IFT25: variants seen among roughly 807,000 people sequenced by gnomAD.
IFT25 encodes intraflagellar transport 25.
At chr1:53,940,570 T>C in the IFT25 span, among the ~76,000 whole-genome samples, 1 of 152,128 alleles carries the variant, frequency 6.6e-6, no homozygotes, top group Non-Finnish European at 1.5e-5. Context: ...AAAAAACAAC[T>C]AAATACTGTT....
the IFT25 span, among the ~76,000 whole-genome samples, chr1:53,941,329 A>ATCC: frequency 9.9e-5 from 15 of 152,100 alleles, no homozygotes; most frequent in Non-Finnish European, 2.1e-4. Context: ...GCCTCAAGTG[A>ATCC]TCCTCCTGCC....
At chr1:53,913,949 A>G in the IFT25 span, among the ~76,000 whole-genome samples, 2 of 152,222 alleles carry the variant, frequency 1.3e-5, no homozygotes, top group African/African-American at 4.8e-5. Context: ...CAGAGTGGTG[A>G]GAAAATAAAT....
the IFT25 span, among the ~76,000 whole-genome samples, chr1:53,912,090 A>G: frequency 6.6e-6 from 1 of 152,156 alleles, no homozygotes; most frequent in Non-Finnish European, 1.5e-5. Context: ...AGCTGTGACA[A>G]TGATGGGACT....
the IFT25 span, chr1:53,928,555 G>T: frequency 1.5e-6 from 1 of 681,282 alleles, no homozygotes; most frequent in East Asian, 2.8e-5. Context: ...ACAGAGCACT[G>T]GGATCAGAAA....
At chr1:53,928,459 T>A in the IFT25 span, 1 of 1,571,194 alleles carries the variant, frequency 6.4e-7, no homozygotes, top group Non-Finnish European at 8.8e-7. Flanking sequence ...GTAAACAAAG[T>A]AAGTAAAGTG....
At chr1:53,919,987 T>TG in the IFT25 span, among the ~76,000 whole-genome samples, 51 of 152,132 alleles carry the variant, frequency 3.4e-4, no homozygotes, top group Admixed American at 2.8e-3. Context: ...TTTGTAGATA[T>TG]GGGGTCTAGC....
the IFT25 span, among the ~76,000 whole-genome samples, chr1:53,915,266 G>A: frequency 2.8e-3 from 428 of 152,276 alleles, no homozygotes; most frequent in African/African-American, 0.01. Context: ...ACATTCTAGT[G>A]AGAGAGATGA....
chr1:53,936,077 T>C, the IFT25 span, among the ~76,000 whole-genome samples: 2 of 151,108 alleles, frequency 1.3e-5, no homozygotes, highest in Non-Finnish European at 2.9e-5. Flanking sequence ...CTGGCCAATA[T>C]GGTGAAACCC....
chr1:53,924,453 G>A, the IFT25 span, among the ~76,000 whole-genome samples: 2 of 152,162 alleles, frequency 1.3e-5, no homozygotes, highest in Admixed American at 1.3e-4. Context: ...GTTTCCTTAT[G>A]TAATTTTAGA....
the IFT25 span, among the ~76,000 whole-genome samples, chr1:53,945,236 G>A: frequency 6.6e-6 from 1 of 152,238 alleles, no homozygotes; most frequent in East Asian, 1.9e-4. Context: ...GATGTGTTAC[G>A]TTGCGGCTGA....
chr1:53,931,567 G>A, the IFT25 span, among the ~76,000 whole-genome samples: 11,574 of 152,202 alleles, frequency 0.076, 803 homozygotes, highest in African/African-American at 0.19. Context: ...AGGCTGTCCA[G>A]AATTTCCAAT....
chr1:53,940,101 C>T, the IFT25 span: 1 of 1,398,608 alleles, frequency 7.1e-7, no homozygotes, highest in South Asian at 1.2e-5. Flanking sequence ...GTTTAACCTG[C>T]AAATTAAAAA....
the IFT25 span, among the ~76,000 whole-genome samples, chr1:53,935,282 C>T: frequency 6.6e-6 from 1 of 152,172 alleles, no homozygotes; most frequent in African/African-American, 2.4e-5. Context: ...CACTGCACTC[C>T]GACACTGTTT....
chr1:53,921,937 T>C, the IFT25 span, among the ~76,000 whole-genome samples: 1 of 152,216 alleles, frequency 6.6e-6, no homozygotes. Flanking sequence ...ATACCAGCCT[T>C]GATTTGATGA....
At chr1:53,912,584 A>G in the IFT25 span, among the ~76,000 whole-genome samples, 1 of 152,230 alleles carries the variant, frequency 6.6e-6, no homozygotes, top group Non-Finnish European at 1.5e-5. Context: ...TGGTCTTCAA[A>G]GATGCCCAGT....
At chr1:53,932,862 A>G in the IFT25 span, among the ~76,000 whole-genome samples, 13 of 152,176 alleles carry the variant, frequency 8.5e-5, no homozygotes, top group Non-Finnish European at 1.8e-4. Flanking sequence ...CACCATACAC[A>G]ACCCATCAAT....
chr1:53,917,738 A>G, the IFT25 span, among the ~76,000 whole-genome samples: 3 of 152,126 alleles, frequency 2.0e-5, no homozygotes, highest in Non-Finnish European at 4.4e-5. Flanking sequence ...GAGGCAGGAT[A>G]ATTACTTGAA....
At chr1:53,917,393 C>T in the IFT25 span, among the ~76,000 whole-genome samples, 1 of 152,122 alleles carries the variant, frequency 6.6e-6, no homozygotes, top group Non-Finnish European at 1.5e-5. Flanking sequence ...ATCTCATATG[C>T]TTTATATGCA....
the IFT25 span, among the ~76,000 whole-genome samples, chr1:53,925,075 A>T: frequency 6.6e-6 from 1 of 152,166 alleles, no homozygotes; most frequent in African/African-American, 2.4e-5. Flanking sequence ...TCCTGAAATT[A>T]TAATATGCTT....
Sources: gnomAD v4.1 joint callset for allele counts (sites outside exome capture counted in the v4.1 genomes callset) on GRCh38, gnomAD v4.1.1 for gene constraint, MANE v1.5 for transcripts, NCBI Gene and HGNC (gene_info 2026-07-23, HGNC 2026-07-21) for gene names.